Variants in SPHKAP observed in about 807,000 individuals in gnomAD.
The protein encoded by SPHKAP is SPHK1 interactor, AKAP domain containing.
A neutral mutation model predicts 137.5 loss-of-function variants in SPHKAP; 67 were observed. That is an observed-to-expected ratio of 0.49 (90% CI 0.40 to 0.60). The LOEUF is 0.60. Ranked by LOEUF, SPHKAP falls within the 20% of genes least tolerant of loss-of-function variation. The probability of loss-of-function intolerance (pLI) is 0.00; values close to 1 mark genes in which losing one functional copy is unlikely to be tolerated. For synonymous variants in SPHKAP, 813 were observed against 785.3 expected (o/e 1.04, Z -0.59); for missense variants, 2,097 against 2,069.3 (o/e 1.01, Z -0.26).
chr2:228,036,295 C>T (rs1477806068), intron 3 of SPHKAP, among the ~76,000 whole-genome samples: 1 of 152,222 alleles, frequency 6.6e-6, no homozygotes, highest in African/African-American at 2.4e-5. Flanking sequence ...CTCCTCATCA[C>T]TGGCCATCAG....
rs112089394 is a variant in SPHKAP at position 228,016,941 on chromosome 2, A to G, written c.3913T>C (p.Leu1305=). ...GAGCTAGCCCACGTTTCATGAATTA[A>G]CATGTTGGTGATGTGGTCAGTCCCA... ...RGGTDHITNM[L]IHETWASSIE... is the part of the protein sequence containing the mutation. The change falls in exon 7 of 12, where the codon TTA becomes CTA. Residue 1305 remains leucine (L), a synonymous_variant. Coordinates refer to ENST00000392056, the MANE Select transcript of SPHKAP (RefSeq NM_001142644.2). The G allele has an allele frequency of 4.2e-5, 68 of 1,613,982 alleles. No homozygotes were observed. The African/African-American group carries it at 8.0e-4, about 19-fold the overall frequency.
chr2:228,054,815 A>C lies in SPHKAP; in HGVS notation c.247-27272T>G, dbSNP rs183925990. On this transcript the variant is annotated intron_variant, in intron 3 of 11. Transcript: ENST00000392056. ...GAGAGTTGGGACGGTTAATTAGTAT[A>C]CTGACGTCTTACCTACCATTCTATT... Among the ~76,000 whole-genome samples the C allele has an allele frequency of 1.0e-3, 154 of 152,112 alleles. No homozygotes were observed. The East Asian group carries it at 0.01, about 10-fold the overall frequency.
At chr2:227,986,457 A>G (rs1191983236) in intron 11 of SPHKAP, among the ~76,000 whole-genome samples, 2 of 152,146 alleles carry the variant, frequency 1.3e-5, no homozygotes, top group African/African-American at 2.4e-5. Context: ...GAGACTACAA[A>G]TTGGGTTCAA....
intron 3 of SPHKAP, among the ~76,000 whole-genome samples, chr2:228,098,062 G>T (rs1210098301): frequency 6.6e-6 from 1 of 152,146 alleles, no homozygotes; most frequent in Non-Finnish European, 1.5e-5. Flanking sequence ...TCTCTAAGCT[G>T]CTTTCCACAG....
intron 7 of SPHKAP, among the ~76,000 whole-genome samples, chr2:228,001,408 AAT>A (rs1001526884): frequency 2.8e-5 from 4 of 141,078 alleles, no homozygotes; most frequent in East Asian, 2.0e-4. Flanking sequence ...TATATACATA[AAT>A]ATATATAAAT....
Position 228,033,428 on chromosome 2 carries a change from C to T in SPHKAP, c.247-5885G>A, listed in dbSNP as rs571467219. Among the ~76,000 whole-genome samples the T allele has an allele frequency of 1.1e-3, 160 of 152,186 alleles. 1 individual carries two copies. Among genetic ancestry groups the T allele is most frequent in the Non-Finnish European group, 1.9e-3 (130 of 67,996 alleles). ...AACTTAGATTCCCATACAATAATAA[C>T]GGGAGAGTTTAACACCCCACTGTCA... On this transcript the variant is annotated intron_variant, in intron 3 of 11. Coordinates refer to ENST00000392056, the MANE Select transcript of SPHKAP (RefSeq NM_001142644.2).
intron 4 of SPHKAP, among the ~76,000 whole-genome samples, chr2:228,026,613 G>A (rs1454330805): frequency 5.1e-5 from 3 of 58,644 alleles, no homozygotes; most frequent in Non-Finnish European, 9.1e-5. Context: ...AACTTGCTTT[G>A]GCCCTCCCTG....
chr2:228,020,573 G>C (rs538358535), intron 6 of SPHKAP, among the ~76,000 whole-genome samples: 1 of 152,060 alleles, frequency 6.6e-6, no homozygotes, highest in East Asian at 1.9e-4. Flanking sequence ...TGTTGTTGGC[G>C]GGGGGAGTGG....
At chr2:228,092,374 CAGAT>C (rs1235114017) in intron 3 of SPHKAP, among the ~76,000 whole-genome samples, 1 of 136,756 alleles carries the variant, frequency 7.3e-6, no homozygotes, top group Non-Finnish European at 1.6e-5. Context: ...CATATACATA[CAGAT>C]ATACATATAT....
intron 1 of SPHKAP, among the ~76,000 whole-genome samples, chr2:228,148,774 A>C (rs1699849455): frequency 6.6e-6 from 1 of 152,156 alleles, no homozygotes; most frequent in Non-Finnish European, 1.5e-5. Flanking sequence ...AGTTACAAAC[A>C]CCAGCAGATT....
At chr2:227,982,051 A>ATTTTTTTTTTTTTTTTTTTTTT (rs3082640) in intron 11 of SPHKAP, 191 bp from the exon 12 acceptor site, 1 of 860,744 alleles carries the variant, frequency 1.2e-6, no homozygotes, top group Non-Finnish European at 1.4e-6. Context: ...CATCAAGTGA[A>ATTTTTTTTTTTTTTTTTTTTTT]TTTTTTTTTT....
intron 3 of SPHKAP, among the ~76,000 whole-genome samples, chr2:228,105,770 C>A (rs188956257): frequency 1.3e-5 from 2 of 152,104 alleles, no homozygotes; most frequent in African/African-American, 4.8e-5. Flanking sequence ...TTTTCTCTTG[C>A]CTGCCACCAT....
At chr2:228,114,813 A>G (rs1027463847) in intron 2 of SPHKAP, among the ~76,000 whole-genome samples, 1 of 152,126 alleles carries the variant, frequency 6.6e-6, no homozygotes, top group Non-Finnish European at 1.5e-5. Context: ...AGTCAATATC[A>G]GTCAACCAAT....
At chr2:228,003,897 T>A (rs1694014271) in intron 7 of SPHKAP, among the ~76,000 whole-genome samples, 1 of 152,230 alleles carries the variant, frequency 6.6e-6, no homozygotes, top group South Asian at 2.1e-4. Context: ...CAGCCTTGCA[T>A]CCCAGGGATG....
At chr2:228,122,864 G>T (rs1466830971) in intron 2 of SPHKAP, among the ~76,000 whole-genome samples, 1 of 152,094 alleles carries the variant, frequency 6.6e-6, no homozygotes, top group African/African-American at 2.4e-5. Flanking sequence ...GATGCAACTG[G>T]GCTGAATCTG....
At chr2:228,062,524 C>A (rs1218747741) in intron 3 of SPHKAP, among the ~76,000 whole-genome samples, 1 of 152,054 alleles carries the variant, frequency 6.6e-6, no homozygotes, top group Non-Finnish European at 1.5e-5. Context: ...ATGGCAAATG[C>A]TCTTTGTCAT....
intron 3 of SPHKAP, among the ~76,000 whole-genome samples, chr2:228,037,519 T>G (rs1184656561): frequency 6.6e-6 from 1 of 152,182 alleles, no homozygotes; most frequent in African/African-American, 2.4e-5. Context: ...TTCCTGGAAG[T>G]CATTCCTATA....
intron 3 of SPHKAP, among the ~76,000 whole-genome samples, chr2:228,040,732 T>G (rs1031951882): frequency 2.0e-5 from 3 of 152,126 alleles, no homozygotes; most frequent in Admixed American, 2.0e-4. Flanking sequence ...TATTGACAGC[T>G]TAAAAAATAA....
intron 7 of SPHKAP, among the ~76,000 whole-genome samples, chr2:228,014,519 C>CTT (rs747251630): frequency 1.3e-5 from 2 of 152,126 alleles, no homozygotes; most frequent in African/African-American, 4.8e-5. Flanking sequence ...TGTTCTTTTG[C>CTT]TTTTACGTTT....
Sources: allele counts gnomAD v4.1 joint callset (sites outside exome capture counted in the v4.1 genomes callset), GRCh38; gene constraint gnomAD v4.1.1; transcripts MANE v1.5; gene names NCBI Gene and HGNC (gene_info 2026-07-23, HGNC 2026-07-21).